OR1D2: variants seen among roughly 807,000 people sequenced by gnomAD.
OR1D2 encodes the protein olfactory receptor 1D2.
For missense variants in OR1D2, 357 were observed against 376.1 expected (o/e 0.95, Z 0.42); for synonymous variants, 157 against 153.9 (o/e 1.02, Z -0.15).
chr17:3,103,640 T>C (rs959971327), intron 1 of OR1D2, among the ~76,000 whole-genome samples: 3 of 152,152 alleles, frequency 2.0e-5, no homozygotes, highest in Non-Finnish European at 4.4e-5. Context: ...TAAGAGTCAG[T>C]GGGTTCTGAA....
chr17:3,097,358 A>G (rs952051398), intron 1 of OR1D2, among the ~76,000 whole-genome samples: 1 of 152,230 alleles, frequency 6.6e-6, no homozygotes, highest in African/African-American at 2.4e-5. Flanking sequence ...GCAATAAGAC[A>G]AGAGAAAGAA....
chr17:3,096,715 G>A (rs9889641), intron 1 of OR1D2, among the ~76,000 whole-genome samples: 38,582 of 152,172 alleles, frequency 0.25, 7,332 homozygotes, highest in African/African-American at 0.53. Context: ...ACCCAAATAC[G>A]TGAAGGGAAC....
rs200994933 is a variant in OR1D2, at chr17:3,092,267, G to A, written c.730C>T (p.His244Tyr). 1.4e-4 allele frequency: 220 copies of A among 1,614,030 alleles called. 1 individual carries two copies. The highest frequency in any genetic ancestry group is 1.7e-4 in the Non-Finnish European group (205 of 1,180,024). ...KYKAFSTCAS[H>Y]LGAVSLFYGT... ...TAGAAGAGGGAGACTGCACCCAAATGGGAGGCACAGGTGGAGAAGGCTTTG... is the reference window on the plus strand; with the variant it reads ...TAGAAGAGGGAGACTGCACCCAAATAGGAGGCACAGGTGGAGAAGGCTTTG... Residue 244 changes from histidine to tyrosine, a missense_variant, in exon 2 of 2, where the codon CAT becomes TAT. Transcript: ENST00000641833.
At chr17:3,100,566 G>A (rs1857752948) in intron 1 of OR1D2, among the ~76,000 whole-genome samples, 1 of 152,108 alleles carries the variant, frequency 6.6e-6, no homozygotes, top group Non-Finnish European at 1.5e-5. Flanking sequence ...GCCCACATCA[G>A]AAAGCTAGAA....
chr17:3,099,402 C>T (rs2047864527), intron 1 of OR1D2, among the ~76,000 whole-genome samples: 1 of 152,100 alleles, frequency 6.6e-6, no homozygotes, highest in Non-Finnish European at 1.5e-5. Context: ...ATTTTCAACC[C>T]AGAATTTCAT....
At chr17:3,097,256 A>G (rs1363617227) in intron 1 of OR1D2, among the ~76,000 whole-genome samples, 1 of 152,204 alleles carries the variant, frequency 6.6e-6, no homozygotes, top group East Asian at 1.9e-4. Context: ...CTTTAAAAAA[A>G]CTTGAAAGCA....
At chr17:3,098,347 C>T (rs2047857166) in intron 1 of OR1D2, among the ~76,000 whole-genome samples, 1 of 152,254 alleles carries the variant, frequency 6.6e-6, no homozygotes. Flanking sequence ...TCTCCACCTC[C>T]TTGAGTGATA....
At position 3,091,876 on chromosome 17, in the gene OR1D2, G is replaced by A. The variant is rs542356163; in HGVS notation, c.*182C>T. On this transcript the variant is annotated 3_prime_UTR_variant, in exon 2 of 2. Transcript: ENST00000641833. ...TTAGTGTGACCTTATTTACGGCCAA[G>A]GCTGATGAGACCTGGGGGACACCAG... 82 of 563,108 alleles carry A rather than the reference G, an allele frequency of 1.5e-4. No homozygotes were observed. Among genetic ancestry groups the A allele is most frequent in the African/African-American group, 1.4e-3 (77 of 53,332 alleles). 34.9% of individuals were successfully genotyped at this position (563,108 alleles called of 1,614,324 possible).
chr17:3,089,115 C>G lies in OR1D2; in HGVS notation c.*2943G>C, dbSNP rs1383537444. The stretch of plus-strand genomic sequence containing the variant: ...TCCTTCTCATTTGGGTAGACTATGT[C>G]AGAAGGAAGATCTGGGGCTCAAGGG... On this transcript the variant is annotated 3_prime_UTR_variant, in exon 2 of 2. Coordinates refer to ENST00000641833, the MANE Select transcript of OR1D2 (RefSeq NM_002548.3). The G allele has an allele frequency of 6.6e-6, 1 of 152,156 alleles. No homozygotes were observed. Among genetic ancestry groups the G allele is most frequent in the Non-Finnish European group, 1.5e-5 (1 of 68,036 alleles). The allele number at this position is 152,156 out of a possible 1,614,324, so 9.4% of individuals were successfully genotyped here.
rs1430632235 is a variant in OR1D2 at position 3,092,213 on chromosome 17, G to C, written c.784C>G (p.Pro262Ala). 6.2e-7 allele frequency: 1 copy of C among 1,614,178 alleles called. No individual in the cohort carries two copies. The highest frequency in any genetic ancestry group is 2.2e-5 in the East Asian group (1 of 44,890). Residue 262 changes from proline to alanine, a missense_variant, in exon 2 of 2, where the codon CCC (proline) becomes GCC (alanine). Pro to Ala is a conservative substitution (Grantham distance 27). Coordinates refer to ENST00000641833, the MANE Select transcript of OR1D2 (RefSeq NM_002548.3). The part of the protein sequence containing the change: ...YGTLCMVYLK[P>A]LHTYSVKDSV... ...TCCTTCACAGAGTAGGTATGGAGGG[G>C]CTTTAGGTATACCATACAAAGTGTC... is the stretch of plus-strand genomic sequence containing the variant.
chr17:3,103,437 G>A (rs1328238326), intron 1 of OR1D2, among the ~76,000 whole-genome samples: 1 of 152,128 alleles, frequency 6.6e-6, no homozygotes, highest in Non-Finnish European at 1.5e-5. Flanking sequence ...CACAAGGCAA[G>A]CATCTCCTGC....
intron 1 of OR1D2, among the ~76,000 whole-genome samples, chr17:3,093,675 G>A (rs1168367652): frequency 1.3e-5 from 2 of 152,124 alleles, no homozygotes; most frequent in Non-Finnish European, 2.9e-5. Context: ...GCCTATTATT[G>A]TTATATTTAA....
At chr17:3,102,664 T>G (rs550192013) in intron 1 of OR1D2, among the ~76,000 whole-genome samples, 8 of 152,224 alleles carry the variant, frequency 5.3e-5, no homozygotes, top group Middle Eastern at 6.8e-3. Context: ...ACAATCTAAC[T>G]ATTCTACCAT....
Position 3,092,637 on chromosome 17 carries a change from A to G in OR1D2, c.360T>C (p.Tyr120=). Residue 120 remains tyrosine (Y), a synonymous_variant, in exon 2 of 2, where the codon TAT becomes TAC. Coordinates refer to ENST00000641833, the MANE Select transcript of OR1D2 (RefSeq NM_002548.3). ...GGCAGCAGATGGCCACATAGCGGTC[A>G]TATGCCATCACAGCCAGGATGAGGT... ...LDNLILAVMA[Y]DRYVAICCPL... is the part of the protein sequence containing the mutation. 6.2e-7 allele frequency: 1 copy of G among 1,614,144 alleles called. No homozygotes were observed. Among genetic ancestry groups the G allele is most frequent in the East Asian group, 2.2e-5 (1 of 44,872 alleles).
rs775748690 is a variant in OR1D2 at position 3,092,451 on chromosome 17, A to C, written c.546T>G (p.Tyr182Ter). The stretch of plus-strand genomic sequence containing the variant: ...TGGAACATGCCATCCTCAGCAATAC[A>C]TACATCTCACAGAAGATGTAGTGGA... ...RKIHYIFCEM[Y>*]VLLRMACSNI... Residue 182 changes from tyrosine to a stop codon, truncating the protein, a stop_gained, in exon 2 of 2, where the codon TAT (tyrosine) becomes TAG (stop). Coordinates refer to ENST00000641833, the MANE Select transcript of OR1D2 (RefSeq NM_002548.3). LOFTEE classifies it low-confidence loss of function (END_TRUNC). 1.9e-6 allele frequency: 3 copies of C among 1,614,196 alleles called. 1 individual carries two copies. In the Admixed American group the frequency reaches 5.0e-5, roughly 27 times the overall value.
intron 1 of OR1D2, among the ~76,000 whole-genome samples, chr17:3,094,755 A>G (rs116994979): frequency 3.3e-5 from 5 of 152,244 alleles, no homozygotes; most frequent in African/African-American, 7.2e-5. Flanking sequence ...ACTAAGAGAA[A>G]GCATGATTAG....
chr17:3,091,549 A>T lies in OR1D2; in HGVS notation c.*509T>A, dbSNP rs2151706472. On this transcript the variant is annotated 3_prime_UTR_variant, in exon 2 of 2. Transcript: ENST00000641833. ...TTTGAGGCCTCTGTACACTGTCATTATGAATAGAATGAGTTGATGAATGAC... is the reference window on the plus strand; with the variant it reads ...TTTGAGGCCTCTGTACACTGTCATTTTGAATAGAATGAGTTGATGAATGAC... 1 of 158,208 alleles carries T rather than the reference A, an allele frequency of 6.3e-6. No individual in the cohort carries two copies. Among genetic ancestry groups the T allele is most frequent in the Non-Finnish European group, 1.4e-5 (1 of 71,192 alleles). 9.8% of individuals were successfully genotyped at this position (158,208 alleles called of 1,614,324 possible).
rs777544501 is a variant in OR1D2, at chr17:3,092,907, C to T, written c.90G>A (p.Met30Ile). ...CCGTGACCAGGTACATGGACAGGAACATCCAAAACAGGATCCGCTGCTGCT... is the reference window on the plus strand; with the variant it reads ...CCGTGACCAGGTACATGGACAGGAATATCCAAAACAGGATCCGCTGCTGCT... ...SPEQQRILFW[M>I]FLSMYLVTVV... The change falls in exon 2 of 2, where the codon ATG (methionine) becomes ATA (isoleucine). Residue 30 changes from methionine (M) to isoleucine (I), a missense_variant. Physicochemically the swap from Met to Ile is conservative, Grantham distance 10 (BLOSUM62 1). Coordinates refer to ENST00000641833, the MANE Select transcript of OR1D2 (RefSeq NM_002548.3). 2.5e-6 allele frequency: 4 copies of T among 1,614,072 alleles called. No homozygotes were observed. Among genetic ancestry groups the T allele is most frequent in the South Asian group, 1.1e-5 (1 of 91,060 alleles).
At chr17:3,100,455 T>C (rs2047869501) in intron 1 of OR1D2, among the ~76,000 whole-genome samples, 1 of 152,138 alleles carries the variant, frequency 6.6e-6, no homozygotes, top group South Asian at 2.1e-4. Flanking sequence ...AAGGCAGATA[T>C]CAAGAAGTAG....
Sources: gnomAD v4.1 joint callset for allele counts (sites outside exome capture counted in the v4.1 genomes callset) on GRCh38, gnomAD v4.1.1 for gene constraint, MANE v1.5 for transcripts, NCBI Gene and HGNC (gene_info 2026-07-23, HGNC 2026-07-21) for gene names.